The following CLASP1 variants were observed in gnomAD, a reference collection of about 807,000 sequenced individuals.
The protein encoded by CLASP1 is CLIP-associating protein 1.
Under a neutral mutation model 192.3 loss-of-function variants are expected in CLASP1, and 38 were observed. The ratio of observed to expected loss-of-function variants is 0.20; its 90% CI spans 0.15 to 0.26. The LOEUF (loss-of-function observed/expected upper bound fraction) is 0.26, where lower values mean the gene tolerates loss of function less well. CLASP1 is among the 10% of genes least tolerant of loss of function. The pLI is 1.00. For synonymous variants in CLASP1, 691 were observed against 712.8 expected (o/e 0.97, Z 0.49); for missense variants, 1,433 against 1,932.5 (o/e 0.74, Z 4.85).
At chr2:121,509,173 G>A (rs1244420016) in intron 7 of CLASP1, among the ~76,000 whole-genome samples, 1 of 152,008 alleles carries the variant, frequency 6.6e-6, no homozygotes, top group Non-Finnish European at 1.5e-5. Flanking sequence ...AACAATATTA[G>A]AATACAGATT....
At chr2:121,628,886 C>G (rs568030489) in intron 1 of CLASP1, among the ~76,000 whole-genome samples, 2 of 78,120 alleles carry the variant, frequency 2.6e-5, no homozygotes, top group South Asian at 7.7e-4. Flanking sequence ...GACTCCATCT[C>G]AAAAAAAAAA....
At chr2:121,551,752 A>G (rs1028164512) in intron 2 of CLASP1, among the ~76,000 whole-genome samples, 10 of 152,256 alleles carry the variant, frequency 6.6e-5, no homozygotes, top group African/African-American at 2.4e-4. Flanking sequence ...AAGAATCAGT[A>G]TCATTAAATG....
chr2:121,602,938 A>G (rs542044592), intron 2 of CLASP1: 13 of 152,332 alleles, frequency 8.5e-5, no homozygotes, highest in African/African-American at 2.6e-4. Context: ...CACAAGAAAC[A>G]AAACCAAAAA....
chr2:121,595,737 G>A (rs1452216420), intron 2 of CLASP1, among the ~76,000 whole-genome samples: 1 of 152,138 alleles, frequency 6.6e-6, no homozygotes, highest in East Asian at 1.9e-4. Flanking sequence ...GAGACCCAAG[G>A]CCTCTGTTCC....
intron 24 of CLASP1, chr2:121,408,878 A>G: frequency 1.5e-6 from 1 of 688,576 alleles, no homozygotes. Flanking sequence ...GACAACAATG[A>G]TGGTGAATCA....
chr2:121,594,312 A>T (rs181291667), intron 2 of CLASP1, among the ~76,000 whole-genome samples: 4,087 of 151,392 alleles, frequency 0.027, 82 homozygotes, highest in Middle Eastern at 0.044. Flanking sequence ...AAAAAAAAAA[A>T]TTTTCTTGTT....
At chr2:121,530,144 G>A (rs2094726834) in intron 3 of CLASP1, 103 bp downstream of exon 3, 1 of 943,130 alleles carries the variant, frequency 1.1e-6, no homozygotes, top group Non-Finnish European at 1.6e-6. Context: ...GGGGGCTGGA[G>A]GGGAGGCAGG....
At chr2:121,573,637 C>CA (rs2060184296) in intron 2 of CLASP1, among the ~76,000 whole-genome samples, 1 of 152,198 alleles carries the variant, frequency 6.6e-6, no homozygotes, top group South Asian at 2.1e-4. Flanking sequence ...AATTTAAGTA[C>CA]AAATAAAACT....
intron 1 of CLASP1, among the ~76,000 whole-genome samples, chr2:121,637,743 A>G (rs2071167653): frequency 6.6e-6 from 1 of 152,094 alleles, no homozygotes; most frequent in Non-Finnish European, 1.5e-5. Flanking sequence ...AAAATTAGCC[A>G]GGAATGGTGG....
At chr2:121,586,319 G>T (rs1559689232) in intron 2 of CLASP1, among the ~76,000 whole-genome samples, 1 of 152,060 alleles carries the variant, frequency 6.6e-6, no homozygotes, top group Non-Finnish European at 1.5e-5. Flanking sequence ...TAGAGATGGG[G>T]TTTCACCGTG....
At position 121,572,365 on chromosome 2, in the gene CLASP1, T is replaced by C. The variant is rs561173766; in HGVS notation, c.195+33336A>G. Reference sequence around the variant, plus strand: ...ATGGCATGAACCCGGGACGCGGAGATTGCAGTGAGCCGAGGTTGCACCAAT... The same window carrying C: ...ATGGCATGAACCCGGGACGCGGAGACTGCAGTGAGCCGAGGTTGCACCAAT... On this transcript the variant is annotated intron_variant, in intron 2 of 39. Coordinates refer to ENST00000263710, the Ensembl canonical transcript of CLASP1. Among the ~76,000 whole-genome samples, 189 of 152,254 alleles carry C rather than the reference T, an allele frequency of 1.2e-3. 1 individual carries two copies. The highest frequency in any genetic ancestry group is 2.3e-3 in the Non-Finnish European group (159 of 68,004).
At chr2:121,525,003 G>C (rs1408289811) in intron 6 of CLASP1, among the ~76,000 whole-genome samples, 1 of 152,148 alleles carries the variant, frequency 6.6e-6, no homozygotes, top group Non-Finnish European at 1.5e-5. Flanking sequence ...CGGGTAGAAG[G>C]CCAGCCTGAT....
chr2:121,618,180 G>C (rs1176640817), intron 1 of CLASP1, among the ~76,000 whole-genome samples: 1 of 152,096 alleles, frequency 6.6e-6, no homozygotes, highest in Non-Finnish European at 1.5e-5. Flanking sequence ...CAAGAAGGTA[G>C]GGACCTAACT....
intron 23 of CLASP1, among the ~76,000 whole-genome samples, chr2:121,415,073 C>A (rs2078340442): frequency 6.6e-6 from 1 of 152,170 alleles, no homozygotes; most frequent in Non-Finnish European, 1.5e-5. Context: ...AGCCGCTACG[C>A]CTGGCCATAT....
chr2:121,425,683 C>A (rs1391567846), intron 21 of CLASP1, among the ~76,000 whole-genome samples: 1 of 151,772 alleles, frequency 6.6e-6, no homozygotes, highest in Non-Finnish European at 1.5e-5. Context: ...GCATTAGCTA[C>A]AGAAAATGAA....
At chr2:121,455,037 C>A (rs1269589195) in intron 14 of CLASP1, among the ~76,000 whole-genome samples, 1 of 152,108 alleles carries the variant, frequency 6.6e-6, no homozygotes, top group African/African-American at 2.4e-5. Context: ...CATAATCATC[C>A]CTCTGGCATG....
At chr2:121,515,279 T>C (rs1450274550) in intron 7 of CLASP1, among the ~76,000 whole-genome samples, 1 of 152,214 alleles carries the variant, frequency 6.6e-6, no homozygotes, top group Non-Finnish European at 1.5e-5. Flanking sequence ...TCCAAACACA[T>C]TCTGGAATGG....
At chr2:121,627,143 G>T (rs558712022) in intron 1 of CLASP1, among the ~76,000 whole-genome samples, 7 of 152,116 alleles carry the variant, frequency 4.6e-5, no homozygotes, top group African/African-American at 1.7e-4. Flanking sequence ...GATAACGTAG[G>T]GAAAAGAAGA....
intron 2 of CLASP1, among the ~76,000 whole-genome samples, chr2:121,554,454 TA>T (rs56965310): frequency 0.45 from 39,196 of 87,444 alleles, 7,539 homozygotes; most frequent in East Asian, 0.66. Context: ...CTACAAAAAG[TA>T]AAAAAAAAAA....
Sources: allele counts gnomAD v4.1 joint callset (sites outside exome capture counted in the v4.1 genomes callset), GRCh38; gene constraint gnomAD v4.1.1; transcripts MANE v1.5; gene names NCBI Gene and HGNC (gene_info 2026-07-23, HGNC 2026-07-21).